MZF1: variants seen among roughly 807,000 people sequenced by gnomAD.
MZF1 encodes the protein myeloid zinc finger 1.
Under a neutral mutation model 28.6 loss-of-function variants are expected in MZF1, and 24 were observed. The ratio of observed to expected loss-of-function variants is 0.84; its 90% CI spans 0.61 to 1.18. The LOEUF is 1.18. Ranked by LOEUF, MZF1 falls within the 50% of genes most tolerant of loss-of-function variation. MZF1 has a pLI of 0.00. For missense variants in MZF1, 1,166 were observed against 1,026.4 expected (o/e 1.14, Z -1.86); for synonymous variants, 516 against 432.5 (o/e 1.19, Z -2.40).
chr19:58,567,405 C>A (rs1446494044), intron 5 of MZF1, among the ~76,000 whole-genome samples: 1 of 152,230 alleles, frequency 6.6e-6, no homozygotes, highest in East Asian at 1.9e-4. Context: ...TTTCTTCTCC[C>A]ATCCTGGCAG....
chr19:58,566,983 GC>G (rs1341571678), intron 5 of MZF1, among the ~76,000 whole-genome samples: 1 of 151,296 alleles, frequency 6.6e-6, no homozygotes, highest in African/African-American at 2.4e-5. Context: ...GCTCACTGCA[GC>G]CTTGACTTCC....
chr19:58,564,908 T>TTTG (rs2054014320), intron 5 of MZF1, among the ~76,000 whole-genome samples: 1 of 77,162 alleles, frequency 1.3e-5, no homozygotes, highest in Non-Finnish European at 2.5e-5. Flanking sequence ...GTGTGTTTTT[T>TTTG]TTTTTTTTTT....
Position 58,562,167 on chromosome 19 carries a change from G to A in MZF1, c.2110C>T (p.Arg704Ter), listed in dbSNP as rs1431190035. The change falls in exon 6 of 6, where the codon CGA becomes TGA. Residue 704 changes from arginine to a stop codon, truncating the protein, a stop_gained. Transcript: ENST00000215057. LOFTEE classifies it low-confidence loss of function (END_TRUNC). ...PTLTQHLRTH[R>*]REKPFACQDC... is the part of the protein sequence containing the mutation. ...TGGCAGGCGAAGGGCTTCTCTCGTC[G>A]GTGGGTGCGCAGATGCTGCGTGAGC... 6.3e-7 allele frequency: 1 copy of A among 1,598,290 alleles called. No homozygotes were observed. Among genetic ancestry groups the A allele is most frequent in the Non-Finnish European group, 8.5e-7 (1 of 1,175,342 alleles).
intron 5 of MZF1, among the ~76,000 whole-genome samples, chr19:58,565,926 G>C (rs2054046169): frequency 6.8e-6 from 1 of 146,402 alleles, no homozygotes; most frequent in Non-Finnish European, 1.5e-5. Flanking sequence ...GGATCACGAG[G>C]TCAGGAGATC....
chr19:58,565,286 G>A (rs933544868), intron 5 of MZF1, among the ~76,000 whole-genome samples: 1 of 147,918 alleles, frequency 6.8e-6, no homozygotes, highest in Non-Finnish European at 1.5e-5. Flanking sequence ...TAGAGACAGG[G>A]TTTCTCCATG....
Position 58,571,107 on chromosome 19 carries a change from C to T in MZF1, c.283G>A (p.Ala95Thr), listed in dbSNP as rs763189383. ...ELLVLEQFLG[A>T]LPPEIQARVQ... Reference sequence around the variant, plus strand: ...CGGGCCTGGATCTCAGGGGGCAGTGCGCCCAGGAACTGCTCCAGCACCAAC... The same window carrying T: ...CGGGCCTGGATCTCAGGGGGCAGTGTGCCCAGGAACTGCTCCAGCACCAAC... The change falls in exon 2 of 6, where the codon GCA (alanine) becomes ACA (threonine). Residue 95 changes from alanine (A) to threonine (T), a missense_variant. Transcript: ENST00000215057. 3.2e-5 allele frequency: 52 copies of T among 1,613,832 alleles called. No homozygotes were observed. Among genetic ancestry groups the T allele is most frequent in the East Asian group, 1.6e-4 (7 of 44,900 alleles).
chr19:58,562,795 G>A lies in MZF1; in HGVS notation c.1482C>T (p.Phe494=). The part of the protein sequence containing the change: ...PFPCSECRES[F]ARRAVLLEHQ... ...GCTCCAGCAGCACGGCGCGCCGCGC[G>A]AAGCTCTCGCGGCACTCGCTGCACG... The change falls in exon 6 of 6, where the codon TTC becomes TTT. Residue 494 remains phenylalanine (F), a synonymous_variant. Coordinates refer to ENST00000215057, the MANE Select transcript of MZF1 (RefSeq NM_198055.2). 1 of 1,534,450 alleles carries A rather than the reference G, an allele frequency of 6.5e-7. No homozygotes were observed. The highest frequency in any genetic ancestry group is 8.7e-7 in the Non-Finnish European group (1 of 1,146,314).
intron 5 of MZF1, among the ~76,000 whole-genome samples, chr19:58,566,929 T>A (rs1196972321): frequency 2.0e-5 from 3 of 147,670 alleles, no homozygotes; most frequent in Non-Finnish European, 3.0e-5. Context: ...TGAGACTGGG[T>A]CTCACCCCCA....
intron 5 of MZF1, among the ~76,000 whole-genome samples, chr19:58,564,902 G>GGTTTTTTTT (rs1872485914): frequency 1.2e-4 from 5 of 41,996 alleles, no homozygotes; most frequent in Middle Eastern, 0.02. Context: ...CCATGTGTGT[G>GGTTTTTTTT]TTTTTTTTTT....
At position 58,562,287 on chromosome 19, in the gene MZF1, G is replaced by C. The variant is rs767981017; in HGVS notation, c.1990C>G (p.Gln664Glu). The C allele has an allele frequency of 1.2e-6, 2 of 1,609,782 alleles. No homozygotes were observed. Among genetic ancestry groups the C allele is most frequent in the African/African-American group, 2.7e-5 (2 of 74,684 alleles). The change falls in exon 6 of 6, where the codon CAG (glutamine) becomes GAG (glutamate). Residue 664 changes from glutamine to glutamate, a missense_variant. Physicochemically the swap from Gln to Glu is conservative, Grantham distance 29. Transcript: ENST00000215057. ...ACPECGQSFRQHANLTQHRRI... is the reference protein window; with the variant it reads ...ACPECGQSFREHANLTQHRRI... Reference sequence around the variant, plus strand: ...CGGTGCTGGGTGAGGTTGGCGTGCTGCCGAAAGCTCTGGCCGCACTCGGGG... The same window carrying C: ...CGGTGCTGGGTGAGGTTGGCGTGCTCCCGAAAGCTCTGGCCGCACTCGGGG...
rs189189919 is a variant in MZF1, at chr19:58,571,358, C to T, written c.32G>A (p.Arg11Gln). 3.8e-4 allele frequency: 611 copies of T among 1,614,132 alleles called. 7 individuals are homozygous for T. In the Admixed American group the frequency reaches 9.7e-3, roughly 26 times the overall value. ...AGGCCCCTCATCTTCTGGGGGTGCT[C>T]GGTCTGGGGAGCCCAGCACCGCAGG... MRPAVLGSPD[R>Q]APPEDEGPVM... Residue 11 changes from arginine to glutamine, a missense_variant, in exon 2 of 6, where the codon CGA (arginine) becomes CAA (glutamine). Arg to Gln is a conservative substitution (Grantham distance 43). Coordinates refer to ENST00000215057, the MANE Select transcript of MZF1 (RefSeq NM_198055.2).
Position 58,571,379 on chromosome 19 carries a change from G to T in MZF1, c.11C>A (p.Ala4Glu). MRP[A>E]VLGSPDRAPP... ...TGCTCGGTCTGGGGAGCCCAGCACC[G>T]CAGGCCTCATAGAGGGTACCAGGTC... is the stretch of plus-strand genomic sequence containing the variant. Residue 4 changes from alanine to glutamate, a missense_variant, in exon 2 of 6, where the codon GCG becomes GAG. Transcript: ENST00000215057. 1.2e-6 allele frequency: 2 copies of T among 1,614,070 alleles called. No individual in the cohort carries two copies. Among genetic ancestry groups the T allele is most frequent in the Non-Finnish European group, 1.7e-6 (2 of 1,180,016 alleles).
chr19:58,570,175 G>T, intron 3 of MZF1, 169 bp downstream of exon 3: 1 of 658,996 alleles, frequency 1.5e-6, no homozygotes, highest in Non-Finnish European at 2.5e-6. Context: ...GACAGCACTG[G>T]CTGCGGTGGA....
chr19:58,569,631 C>T, intron 3 of MZF1, 45 bp from the exon 4 acceptor site: 1 of 1,470,938 alleles, frequency 6.8e-7, no homozygotes, highest in Non-Finnish European at 9.3e-7. Flanking sequence ...GAGTTTCCAC[C>T]CCACTGCCCT....
chr19:58,564,345 A>T (rs1300321191), intron 5 of MZF1: 1 of 152,258 alleles, frequency 6.6e-6, no homozygotes, highest in Non-Finnish European at 1.5e-5. Context: ...AAAAAAATTA[A>T]AAAAGGACAA....
At chr19:58,570,130 G>A (rs1054157248) in intron 3 of MZF1, 2 of 538,066 alleles carry the variant, frequency 3.7e-6, no homozygotes, top group Non-Finnish European at 6.6e-6. Context: ...TGGGTACAGG[G>A]CTGTGGCAGT....
intron 5 of MZF1, among the ~76,000 whole-genome samples, chr19:58,566,066 G>A (rs2054049784): frequency 6.6e-6 from 1 of 151,530 alleles, no homozygotes; most frequent in Non-Finnish European, 1.5e-5. Flanking sequence ...TCGTGAACCC[G>A]GGAGGCGGAG....
intron 2 of MZF1, 55 bp from the exon 3 acceptor site, chr19:58,570,582 A>G: frequency 6.4e-7 from 1 of 1,553,660 alleles, no homozygotes; most frequent in Non-Finnish European, 8.7e-7. Context: ...GCTGGCCGCA[A>G]CCTGGGGTTT....
In MZF1 at chr19:58,573,202, C is replaced by T. The variant is rs1026061099; in HGVS notation, c.-188G>A. 1.3e-5 allele frequency: 2 copies of T among 153,736 alleles called. No individual in the cohort carries two copies. Among genetic ancestry groups the T allele is most frequent in the African/African-American group, 4.8e-5 (2 of 41,448 alleles). The allele number at this position is 153,736 out of a possible 1,614,324, so 9.5% of individuals were successfully genotyped here. ...CCACCCTCGTCCCCGTTTCTACACC[C>T]TCTCCTCCCTTCCCCTAGCGGTGGT... On this transcript the variant is annotated 5_prime_UTR_variant, in exon 1 of 6. Transcript: ENST00000215057.
Sources: gnomAD v4.1 joint callset for allele counts (sites outside exome capture counted in the v4.1 genomes callset) on GRCh38, gnomAD v4.1.1 for gene constraint, MANE v1.5 for transcripts, NCBI Gene and HGNC (gene_info 2026-07-23, HGNC 2026-07-21) for gene names.